The following INVS variants were observed in gnomAD, a reference collection of about 807,000 sequenced individuals.
The protein encoded by INVS is inversin, also known as inversion of embryo turning homolog.
A neutral mutation model predicts 108.8 loss-of-function variants in INVS; 86 were observed. The observed-to-expected ratio is 0.79, with a 90% CI of 0.66 to 0.95. The LOEUF (loss-of-function observed/expected upper bound fraction) is 0.95. INVS is among the 40% of genes least tolerant of loss of function. The pLI, the probability that INVS is intolerant of heterozygous loss-of-function variation, is 0.00. For synonymous variants in INVS, 455 were observed against 473.5 expected, an observed-to-expected ratio of 0.96 and a Z score of 0.51; for missense variants, 1,169 against 1,297.4, an observed-to-expected ratio of 0.90 and a Z score of 1.52.
chr9:100,171,715 A>C (rs1273359641), intron 3 of INVS, among the ~76,000 whole-genome samples: 1 of 152,192 alleles, frequency 6.6e-6, no homozygotes, highest in Non-Finnish European at 1.5e-5. Context: ...TCTGATCACC[A>C]AATTCATATA....
At chr9:100,152,798 GTTTATC>G (rs1464288719) in intron 3 of INVS, among the ~76,000 whole-genome samples, 2 of 152,098 alleles carry the variant, frequency 1.3e-5, no homozygotes, top group African/African-American at 4.8e-5. Context: ...TATACTCATA[GTTTATC>G]TTAAACAATT....
chr9:100,200,727 G>A (rs187804572), intron 3 of INVS, among the ~76,000 whole-genome samples: 246 of 152,296 alleles, frequency 1.6e-3, no homozygotes, highest in African/African-American at 5.7e-3. Context: ...ACATCTTGGA[G>A]TCTCCCATAC....
At chr9:100,225,720 G>GA (rs1482273446) in intron 3 of INVS, among the ~76,000 whole-genome samples, 1 of 150,836 alleles carries the variant, frequency 6.6e-6, no homozygotes, top group Non-Finnish European at 1.5e-5. Flanking sequence ...AAAAAAATGT[G>GA]AAAAAAGATG....
At chr9:100,181,841 C>T (rs534640496) in intron 3 of INVS, among the ~76,000 whole-genome samples, 1 of 152,222 alleles carries the variant, frequency 6.6e-6, no homozygotes, top group East Asian at 1.9e-4. Flanking sequence ...AAGCTGGAGA[C>T]ATCATGCTAC....
At chr9:100,236,648 TC>T (rs1338515567) in intron 5 of INVS, among the ~76,000 whole-genome samples, 3 of 152,190 alleles carry the variant, frequency 2.0e-5, no homozygotes, top group African/African-American at 7.2e-5. Context: ...TTGCTGGAAG[TC>T]CACTTCAGAC....
chr9:100,240,212 A>C lies in INVS; in HGVS notation c.768A>C (p.Arg256=), dbSNP rs199652731. The C allele has an allele frequency of 5.6e-6, 9 of 1,614,010 alleles. No individual in the cohort carries two copies. Among genetic ancestry groups the C allele is most frequent in the Non-Finnish European group, 7.6e-6 (9 of 1,179,936 alleles). ...CNITSYDNLF[R]TPLHWAALLG... ...TAACGTCTTATGATAACTTATTTCG[A>C]ACCCCACTGCACTGGGCAGCTTTAT... The change falls in exon 6 of 17, where the codon CGA becomes CGC. Residue 256 remains arginine, a synonymous_variant. Coordinates refer to ENST00000262457, the MANE Select transcript of INVS (RefSeq NM_014425.5).
chr9:100,284,353 A>C lies in INVS; in HGVS notation c.1818A>C (p.Ala606=). ...AGGAAGAAAACAAACGAAAAGAGGC[A>C]GAACAGCAAAAAGGAAGGCGGAGCC... ...KREEENKRKE[A]EQQKGRRSPD... The change falls in exon 13 of 17, where the codon GCA becomes GCC. Residue 606 remains alanine, a synonymous_variant. Transcript: ENST00000262457. 6.2e-7 allele frequency: 1 copy of C among 1,613,538 alleles called. No individual in the cohort carries two copies. Among genetic ancestry groups the C allele is most frequent in the Non-Finnish European group, 8.5e-7 (1 of 1,180,056 alleles).
Position 100,264,696 on chromosome 9 carries a change from T to A in INVS, c.1465-126T>A. On this transcript the variant is annotated intron_variant, in intron 10 of 16. Transcript: ENST00000262457. ...TGCTTTCTCCACTGTATATTTAATA[T>A]TTTCCCTTTTTGTAAATAAGCAATT... 5 of 709,990 alleles carry A rather than the reference T, an allele frequency of 7.0e-6. 1 individual carries two copies. Among genetic ancestry groups the A allele is most frequent in the Non-Finnish European group, 1.3e-5 (5 of 392,564 alleles). 44.0% of individuals were successfully genotyped at this position (709,990 alleles called of 1,614,324 possible).
At chr9:100,260,186 C>CTTTTTTTTTTTT (rs372496395) in intron 10 of INVS, among the ~76,000 whole-genome samples, 4 of 101,496 alleles carry the variant, frequency 3.9e-5, no homozygotes, top group Non-Finnish European at 5.9e-5. Flanking sequence ...ATTTTCTTTT[C>CTTTTTTTTTTTT]TTTTTTTTTT....
At chr9:100,230,313 C>T (rs1363445449) in intron 5 of INVS, among the ~76,000 whole-genome samples, 2 of 152,146 alleles carry the variant, frequency 1.3e-5, no homozygotes, top group African/African-American at 4.8e-5. Flanking sequence ...TCTCCTTTCA[C>T]AGAGGCAACA....
At position 100,177,872 on chromosome 9, in the gene INVS, G is replaced by A. The variant is rs555219154; in HGVS notation, c.274-48190G>A. ...AGGGGCCGACAGACACCTCATACAG[G>A]ACAGCTCTGGCTTGCATCTGGCAGG... On this transcript the variant is annotated intron_variant, in intron 3 of 16. Transcript: ENST00000262457. Among the ~76,000 whole-genome samples the A allele has an allele frequency of 7.9e-5, 12 of 152,290 alleles. No homozygotes were observed. In the South Asian group the frequency reaches 1.5e-3, roughly 18 times the overall value.
At chr9:100,128,496 A>G (rs528689269) in intron 3 of INVS, among the ~76,000 whole-genome samples, 1 of 152,322 alleles carries the variant, frequency 6.6e-6, no homozygotes, top group East Asian at 1.9e-4. Context: ...GTACTGTGTT[A>G]GTTCATTTGT....
chr9:100,298,742 G>A (rs1354456028), intron 16 of INVS, among the ~76,000 whole-genome samples: 1 of 152,088 alleles, frequency 6.6e-6, no homozygotes, highest in Non-Finnish European at 1.5e-5. Context: ...ACCTGGAGGT[G>A]GGGGACAGAG....
At chr9:100,118,422 T>G (rs1827619179) in intron 2 of INVS, among the ~76,000 whole-genome samples, 1 of 151,806 alleles carries the variant, frequency 6.6e-6, no homozygotes, top group Admixed American at 6.6e-5. Context: ...TTGGCCAGAC[T>G]GGTCTCGGAC....
intron 3 of INVS, among the ~76,000 whole-genome samples, chr9:100,199,965 T>C (rs1283984120): frequency 1.3e-5 from 2 of 152,194 alleles, no homozygotes; most frequent in African/African-American, 4.8e-5. Context: ...CTACAGGTCA[T>C]TGAGGTTCTA....
At chr9:100,196,062 T>A (rs1830364719) in intron 3 of INVS, among the ~76,000 whole-genome samples, 1 of 152,224 alleles carries the variant, frequency 6.6e-6, no homozygotes, top group African/African-American at 2.4e-5. Flanking sequence ...AAGATTGGAA[T>A]TATTTATTTC....
At chr9:100,144,900 A>G (rs569325322) in intron 3 of INVS, among the ~76,000 whole-genome samples, 26 of 152,080 alleles carry the variant, frequency 1.7e-4, no homozygotes, top group Non-Finnish European at 3.4e-4. Flanking sequence ...GGGAACAGAG[A>G]CTAGGGAGGG....
chr9:100,259,489 T>C (rs1832538945), intron 10 of INVS, among the ~76,000 whole-genome samples: 1 of 151,972 alleles, frequency 6.6e-6, no homozygotes, highest in Non-Finnish European at 1.5e-5. Flanking sequence ...ATCACCCGTC[T>C]TCTTCATCAC....
intron 2 of INVS, among the ~76,000 whole-genome samples, chr9:100,113,862 A>G (rs1358613921): frequency 6.6e-6 from 1 of 152,194 alleles, no homozygotes; most frequent in African/African-American, 2.4e-5. Flanking sequence ...CATTTCTAGC[A>G]TTCTATTTTC....
Sources: gnomAD v4.1 joint callset for allele counts (sites outside exome capture counted in the v4.1 genomes callset) on GRCh38, gnomAD v4.1.1 for gene constraint, MANE v1.5 for transcripts, NCBI Gene and HGNC (gene_info 2026-07-23, HGNC 2026-07-21) for gene names.